The following WWOX variants were observed in gnomAD, a reference collection of about 807,000 sequenced individuals.
WWOX encodes the protein WW domain containing oxidoreductase.
In WWOX, 69 loss-of-function variants were observed where a neutral mutation model predicts 46.2. The ratio of observed to expected loss-of-function variants is 1.49; its 90% CI spans 1.23 to 1.82. The LOEUF is 1.82. Among genes scored for constraint, WWOX ranks in the 40% most tolerant of loss-of-function variants. The pLI is 0.00. For missense variants in WWOX, 919 were observed against 542.6 expected (o/e 1.69, Z -6.89); for synonymous variants, 359 against 202.6 (o/e 1.77, Z -6.56).
chr16:79,144,262 G>A (rs2050144301), intron 8 of WWOX, among the ~76,000 whole-genome samples: 1 of 152,162 alleles, frequency 6.6e-6, no homozygotes, highest in African/African-American at 2.4e-5. Flanking sequence ...TCCCCCAGCT[G>A]TGTGGGCCTG....
intron 8 of WWOX, among the ~76,000 whole-genome samples, chr16:79,128,945 G>A (rs1367464433): frequency 1.3e-5 from 2 of 152,182 alleles, no homozygotes; most frequent in Non-Finnish European, 2.9e-5. Context: ...TGTGAAGGGA[G>A]CTGAGGCATC....
chr16:79,027,235 A>T (rs182708215), intron 8 of WWOX, among the ~76,000 whole-genome samples: 2 of 147,834 alleles, frequency 1.4e-5, no homozygotes, highest in Non-Finnish European at 3.0e-5. Context: ...GGCTGTGATC[A>T]TGCCACTGCA....
chr16:78,905,345 A>C (rs1401644164), intron 8 of WWOX, among the ~76,000 whole-genome samples: 4 of 152,232 alleles, frequency 2.6e-5, no homozygotes, highest in Non-Finnish European at 5.9e-5. Context: ...AAAGAAATGT[A>C]AATCAAGTGA....
At chr16:79,079,559 G>C (rs548722250) in intron 8 of WWOX, among the ~76,000 whole-genome samples, 1 of 152,194 alleles carries the variant, frequency 6.6e-6, no homozygotes, top group South Asian at 2.1e-4. Flanking sequence ...CTAGTCACCT[G>C]GTGCTTTAAT....
intron 8 of WWOX, among the ~76,000 whole-genome samples, chr16:78,994,969 C>CTTTTTTTTTTTTTTTTTTTTTTT (rs869088414): frequency 1.2e-4 from 14 of 114,644 alleles, no homozygotes; most frequent in South Asian, 2.9e-4. Context: ...TCTTCTTCTT[C>CTTTTTTTTTTTTTTTTTTTTTTT]TTTTTTTTTT....
intron 4 of WWOX, among the ~76,000 whole-genome samples, chr16:78,127,704 T>C (rs969194363): frequency 5.3e-5 from 8 of 152,202 alleles, no homozygotes; most frequent in African/African-American, 1.7e-4. Flanking sequence ...AAGTTTGTGA[T>C]AGTTTATAGG....
chr16:78,275,417 G>T (rs1431753186), intron 5 of WWOX, among the ~76,000 whole-genome samples: 5 of 152,168 alleles, frequency 3.3e-5, no homozygotes, highest in African/African-American at 1.2e-4. Context: ...TTTATACCTG[G>T]CCCGCTTTCC....
chr16:79,085,838 G>T (rs2048844557), intron 8 of WWOX, among the ~76,000 whole-genome samples: 1 of 152,068 alleles, frequency 6.6e-6, no homozygotes, highest in African/African-American at 2.4e-5. Flanking sequence ...TTGAGGCCAG[G>T]AGTTCAAGTC....
chr16:79,048,160 C>G (rs1266657191), intron 8 of WWOX, among the ~76,000 whole-genome samples: 4 of 152,150 alleles, frequency 2.6e-5, no homozygotes, highest in Admixed American at 6.5e-5. Context: ...GAGAAGCTTC[C>G]TTCAAAAAGC....
At chr16:78,151,364 C>T (rs892079273) in intron 4 of WWOX, among the ~76,000 whole-genome samples, 5 of 152,032 alleles carry the variant, frequency 3.3e-5, no homozygotes, top group Non-Finnish European at 7.4e-5. Flanking sequence ...CCCTTTTTTG[C>T]CCTCTGATCT....
chr16:78,623,729 T>C (rs2046243184), intron 8 of WWOX, among the ~76,000 whole-genome samples: 1 of 69,072 alleles, frequency 1.4e-5, no homozygotes, highest in African/African-American at 5.9e-5. Flanking sequence ...AGTCAGACTC[T>C]GTCTCAAAAA....
chr16:78,517,031 A>C (rs1219655429), intron 8 of WWOX, among the ~76,000 whole-genome samples: 1 of 152,004 alleles, frequency 6.6e-6, no homozygotes, highest in Non-Finnish European at 1.5e-5. Context: ...TAACTGCATT[A>C]TTTGTTTGCT....
intron 8 of WWOX, among the ~76,000 whole-genome samples, chr16:78,614,499 A>G (rs773860105): frequency 3.3e-5 from 5 of 152,230 alleles, no homozygotes; most frequent in African/African-American, 7.2e-5. Context: ...CACCCTGTTC[A>G]CGGTGTGTGT....
chr16:79,017,162 G>C (rs1443594756), intron 8 of WWOX: 1 of 152,170 alleles, frequency 6.6e-6, no homozygotes, highest in African/African-American at 2.4e-5. Flanking sequence ...CGGGCGCAGT[G>C]GCTCACGCCT....
At chr16:79,209,195 C>T (rs2051626386) in intron 8 of WWOX, among the ~76,000 whole-genome samples, 1 of 152,146 alleles carries the variant, frequency 6.6e-6, no homozygotes, top group Non-Finnish European at 1.5e-5. Flanking sequence ...TGTAGGTTGG[C>T]ATGAAATGAA....
At chr16:78,377,223 C>A (rs1056382131) in intron 5 of WWOX, among the ~76,000 whole-genome samples, 1 of 152,144 alleles carries the variant, frequency 6.6e-6, no homozygotes, top group African/African-American at 2.4e-5. Context: ...TTAAGCAGAT[C>A]TTTGATGTAT....
chr16:79,031,532 A>G (rs570960679), intron 8 of WWOX, among the ~76,000 whole-genome samples: 14 of 152,116 alleles, frequency 9.2e-5, no homozygotes, highest in Non-Finnish European at 1.9e-4. Flanking sequence ...AGGAAGGGAA[A>G]AGCTACACCC....
intron 8 of WWOX, among the ~76,000 whole-genome samples, chr16:79,021,497 A>G (rs1341624226): frequency 6.6e-6 from 1 of 152,242 alleles, no homozygotes; most frequent in East Asian, 1.9e-4. Flanking sequence ...CATGGGATCT[A>G]GTAACAAATG....
chr16:78,876,348 G>C (rs1292091177), intron 8 of WWOX, among the ~76,000 whole-genome samples: 4 of 151,114 alleles, frequency 2.6e-5, no homozygotes, highest in African/African-American at 9.7e-5. Flanking sequence ...TGGGTGTTTT[G>C]TCTGGAATTT....
Sources: gnomAD v4.1 joint callset for allele counts (sites outside exome capture counted in the v4.1 genomes callset) on GRCh38, gnomAD v4.1.1 for gene constraint, MANE v1.5 for transcripts, NCBI Gene and HGNC (gene_info 2026-07-23, HGNC 2026-07-21) for gene names.